TMCC1: variants seen among roughly 807,000 people sequenced by gnomAD.
The protein encoded by TMCC1 is transmembrane and coiled-coil domain family 1.
In TMCC1, 15 loss-of-function variants were observed where a neutral mutation model predicts 52.4. That is an observed-to-expected ratio of 0.29 (90% CI 0.19 to 0.44). TMCC1 has a LOEUF of 0.44. TMCC1 is among the 20% of genes least tolerant of loss of function. The probability of loss-of-function intolerance (pLI) is 1.00; values close to 1 mark genes in which losing one functional copy is unlikely to be tolerated. For missense variants in TMCC1, 503 were observed against 806.0 expected (o/e 0.62, Z 4.55); for synonymous variants, 279 against 301.9 (o/e 0.92, Z 0.79).
intron 4 of TMCC1, among the ~76,000 whole-genome samples, chr3:129,703,536 T>TA (rs2047997907): frequency 6.6e-6 from 1 of 152,206 alleles, no homozygotes; most frequent in Non-Finnish European, 1.5e-5. Context: ...GTGGGACTTG[T>TA]ATGATTTATG....
chr3:129,810,622 C>A (rs937002369), intron 4 of TMCC1, among the ~76,000 whole-genome samples: 2 of 152,172 alleles, frequency 1.3e-5, no homozygotes, highest in Non-Finnish European at 2.9e-5. Context: ...ATCTCACAAG[C>A]ATTTATCTGC....
At chr3:129,811,302 T>C (rs1468190363) in intron 4 of TMCC1, among the ~76,000 whole-genome samples, 1 of 152,162 alleles carries the variant, frequency 6.6e-6, no homozygotes, top group Non-Finnish European at 1.5e-5. Flanking sequence ...TATCACTCTG[T>C]TGCCCAGACT....
chr3:129,744,649 T>C (rs2107642259), intron 4 of TMCC1, among the ~76,000 whole-genome samples: 1 of 152,308 alleles, frequency 6.6e-6, no homozygotes, highest in Non-Finnish European at 1.5e-5. Flanking sequence ...TTCCTTATCA[T>C]CACCAAGGTT....
intron 4 of TMCC1, among the ~76,000 whole-genome samples, chr3:129,744,552 C>T (rs2051754442): frequency 6.6e-6 from 1 of 152,166 alleles, no homozygotes; most frequent in Non-Finnish European, 1.5e-5. Context: ...TCTCAAGCAG[C>T]TGGAACTACA....
intron 4 of TMCC1, among the ~76,000 whole-genome samples, chr3:129,711,739 C>T (rs1359215992): frequency 1.3e-5 from 2 of 149,950 alleles, no homozygotes; most frequent in Non-Finnish European, 3.0e-5. Flanking sequence ...ACCTGTAATC[C>T]CAGCACTTTG....
chr3:129,747,917 A>T (rs1048151286), intron 4 of TMCC1, among the ~76,000 whole-genome samples: 11 of 152,228 alleles, frequency 7.2e-5, no homozygotes, highest in African/African-American at 2.7e-4. Flanking sequence ...ACTAAGAAAG[A>T]ACCCTGTAAA....
At chr3:129,681,451 T>G (rs2088972842) in intron 4 of TMCC1, among the ~76,000 whole-genome samples, 1 of 151,384 alleles carries the variant, frequency 6.6e-6, no homozygotes, top group African/African-American at 2.4e-5. Flanking sequence ...TAGTCAACGT[T>G]TTTTTTTTTC....
intron 4 of TMCC1, among the ~76,000 whole-genome samples, chr3:129,682,472 A>C (rs2089069721): frequency 6.6e-6 from 1 of 152,170 alleles, no homozygotes; most frequent in Non-Finnish European, 1.5e-5. Context: ...TTTATATTTT[A>C]GATAATAGGG....
chr3:129,800,925 A>ATTTTTTTT (rs11394617), intron 4 of TMCC1, among the ~76,000 whole-genome samples: 2 of 117,962 alleles, frequency 1.7e-5, no homozygotes, highest in Non-Finnish European at 3.4e-5. Context: ...ATCTCACACT[A>ATTTTTTTT]TTTTTTTTTT....
At chr3:129,810,327 C>T (rs796882693) in intron 4 of TMCC1, among the ~76,000 whole-genome samples, 4 of 151,236 alleles carry the variant, frequency 2.6e-5, no homozygotes, top group African/African-American at 9.8e-5. Context: ...CACTGGGCAA[C>T]AGAGTGAGAG....
At chr3:129,870,787 T>C (rs1057281634) in intron 2 of TMCC1, among the ~76,000 whole-genome samples, 5 of 122,966 alleles carry the variant, frequency 4.1e-5, no homozygotes, top group Non-Finnish European at 8.1e-5. Context: ...AAAAAAGATA[T>C]GGTAGCTAAA....
At chr3:129,886,499 T>C (rs2061707898) in intron 1 of TMCC1, among the ~76,000 whole-genome samples, 3 of 152,204 alleles carry the variant, frequency 2.0e-5, no homozygotes. Flanking sequence ...AAAGCGGCAT[T>C]ATTCAGAACA....
At chr3:129,844,182 T>A (rs2059556750) in intron 2 of TMCC1, among the ~76,000 whole-genome samples, 2 of 152,068 alleles carry the variant, frequency 1.3e-5, no homozygotes, top group Admixed American at 1.3e-4. Flanking sequence ...CTATTTACGA[T>A]AAATACTCCC....
At chr3:129,726,897 A>AAAAAAAAAAAAAAAAAC (rs2050148706) in intron 4 of TMCC1, among the ~76,000 whole-genome samples, 1 of 142,650 alleles carries the variant, frequency 7.0e-6, no homozygotes, top group African/African-American at 2.6e-5. Flanking sequence ...AAAAAAAAAA[A>AAAAAAAAAAAAAAAAAC]AGAACCACTG....
chr3:129,763,675 T>C (rs960959056), intron 4 of TMCC1, among the ~76,000 whole-genome samples: 1 of 151,838 alleles, frequency 6.6e-6, no homozygotes, highest in Non-Finnish European at 1.5e-5. Flanking sequence ...AGATTTAATT[T>C]ATTGTTCATA....
At chr3:129,747,628 T>G (rs1404104873) in intron 4 of TMCC1, among the ~76,000 whole-genome samples, 1 of 152,158 alleles carries the variant, frequency 6.6e-6, no homozygotes, top group Non-Finnish European at 1.5e-5. Context: ...TCCTTCCATA[T>G]GTAACCAATC....
chr3:129,688,417 T>A (rs1258913035), intron 4 of TMCC1: 1 of 985,458 alleles, frequency 1.0e-6, no homozygotes, highest in East Asian at 1.1e-4. Context: ...CCACTGGGAA[T>A]GCTTTCCCCC....
At chr3:129,819,476 T>TG (rs2058303401) in intron 4 of TMCC1, among the ~76,000 whole-genome samples, 1 of 152,236 alleles carries the variant, frequency 6.6e-6, no homozygotes, top group Admixed American at 6.5e-5. Flanking sequence ...ATTATTTTAC[T>TG]GCCTGTAAAA....
chr3:129,816,765 T>C (rs557407079), intron 4 of TMCC1, among the ~76,000 whole-genome samples: 2 of 152,300 alleles, frequency 1.3e-5, no homozygotes, highest in South Asian at 2.1e-4. Flanking sequence ...GGCTCATGCT[T>C]GTAATCCTAA....
Sources: gnomAD v4.1 joint callset for allele counts (sites outside exome capture counted in the v4.1 genomes callset) on GRCh38, gnomAD v4.1.1 for gene constraint, MANE v1.5 for transcripts, NCBI Gene and HGNC (gene_info 2026-07-23, HGNC 2026-07-21) for gene names.